CDH13: variants seen among roughly 807,000 people sequenced by gnomAD.
The protein encoded by CDH13 is cadherin 13, also known as cadherin-13.
Under a neutral mutation model 63.8 loss-of-function variants are expected in CDH13, and 24 were observed. That is an observed-to-expected ratio of 0.38 (90% CI 0.27 to 0.53). CDH13 has a LOEUF of 0.53. Among genes scored for constraint, CDH13 ranks in the 20% least tolerant of loss-of-function variants. The pLI, the probability that CDH13 is intolerant of heterozygous loss-of-function variation, is 0.85. For missense variants in CDH13, 1,049 were observed against 903.1 expected (o/e 1.16, Z -2.07); for synonymous variants, 503 against 355.3 (o/e 1.42, Z -4.67).
chr16:82,759,331 G>T (rs1389494233), intron 1 of CDH13, among the ~76,000 whole-genome samples: 3 of 152,098 alleles, frequency 2.0e-5, no homozygotes, highest in African/African-American at 7.2e-5. Context: ...CTCAGGCTTT[G>T]CTTTTGGGAT....
intron 1 of CDH13, among the ~76,000 whole-genome samples, chr16:82,811,278 T>C (rs1168515836): frequency 1.3e-5 from 2 of 152,116 alleles, no homozygotes; most frequent in East Asian, 1.9e-4. Context: ...ATGGAAAACA[T>C]TACAGATCAG....
chr16:83,701,130 C>G (rs925443451), intron 10 of CDH13, among the ~76,000 whole-genome samples: 4 of 152,022 alleles, frequency 2.6e-5, no homozygotes, highest in Admixed American at 2.6e-4. Context: ...AGGTTACATT[C>G]CTTGCCGAAG....
At chr16:83,558,304 G>A (rs1360651935) in intron 7 of CDH13, among the ~76,000 whole-genome samples, 1 of 152,164 alleles carries the variant, frequency 6.6e-6, no homozygotes, top group Non-Finnish European at 1.5e-5. Flanking sequence ...GAGGGATGAT[G>A]TTTTTAAAGA....
At chr16:83,504,179 G>A (rs1325432433) in intron 7 of CDH13, among the ~76,000 whole-genome samples, 1 of 152,122 alleles carries the variant, frequency 6.6e-6, no homozygotes, top group Non-Finnish European at 1.5e-5. Context: ...CCATGCCAAG[G>A]GTAAGGCTTG....
intron 1 of CDH13, chr16:82,689,148 C>G (rs1166501394): frequency 1.3e-5 from 2 of 149,194 alleles, no homozygotes; most frequent in South Asian, 2.1e-4. Context: ...ATTCTTCTAA[C>G]TTGCCTGCAT....
intron 4 of CDH13, among the ~76,000 whole-genome samples, chr16:83,144,488 G>T (rs1597410991): frequency 6.6e-6 from 1 of 152,166 alleles, no homozygotes; most frequent in East Asian, 1.9e-4. Flanking sequence ...AGCAATACAT[G>T]ATCAGATATA....
intron 5 of CDH13, among the ~76,000 whole-genome samples, chr16:83,344,439 A>G (rs557392942): frequency 9.9e-5 from 15 of 152,244 alleles, no homozygotes; most frequent in Non-Finnish European, 1.6e-4. Flanking sequence ...AAAGATTGCC[A>G]TAAACACTTT....
At chr16:83,077,867 G>A (rs1278008600) in intron 3 of CDH13, among the ~76,000 whole-genome samples, 2 of 152,152 alleles carry the variant, frequency 1.3e-5, no homozygotes, top group Admixed American at 6.5e-5. Context: ...AACATTTGCT[G>A]TTACTGATCT....
chr16:83,304,939 T>G (rs542277822), intron 5 of CDH13, among the ~76,000 whole-genome samples: 10 of 152,312 alleles, frequency 6.6e-5, no homozygotes, highest in African/African-American at 2.4e-4. Context: ...AGCAGAACTT[T>G]CCCACTTTTC....
intron 1 of CDH13, among the ~76,000 whole-genome samples, chr16:82,746,163 C>T (rs535198436): frequency 1.5e-5 from 2 of 135,272 alleles, no homozygotes; most frequent in South Asian, 2.3e-4. Flanking sequence ...ATACTATATA[C>T]ATACTATATA....
chr16:83,026,961 G>T (rs372608421), intron 2 of CDH13, among the ~76,000 whole-genome samples: 1 of 152,116 alleles, frequency 6.6e-6, no homozygotes, highest in East Asian at 1.9e-4. Flanking sequence ...GGGTCCAGGG[G>T]CCAAGGGGAG....
intron 1 of CDH13, among the ~76,000 whole-genome samples, chr16:82,853,058 G>T (rs1350177126): frequency 6.6e-6 from 1 of 152,200 alleles, no homozygotes; most frequent in African/African-American, 2.4e-5. Flanking sequence ...GGTATAAAGA[G>T]TGTGATTTAA....
chr16:83,223,425 C>A (rs551470455), intron 5 of CDH13, among the ~76,000 whole-genome samples: 1 of 152,240 alleles, frequency 6.6e-6, no homozygotes, highest in Non-Finnish European at 1.5e-5. Flanking sequence ...AGGGCCCCAC[C>A]TCCCAGCACC....
chr16:83,382,493 T>C (rs1428396809), intron 6 of CDH13, among the ~76,000 whole-genome samples: 4 of 152,120 alleles, frequency 2.6e-5, no homozygotes, highest in African/African-American at 7.2e-5. Flanking sequence ...CCTATGTATG[T>C]ATCTATGTGA....
chr16:82,665,921 G>C (rs1415147712), intron 1 of CDH13, among the ~76,000 whole-genome samples: 1 of 152,082 alleles, frequency 6.6e-6, no homozygotes, highest in Non-Finnish European at 1.5e-5. Context: ...TCTGGACCAG[G>C]AAAAGATCAA....
intron 4 of CDH13, among the ~76,000 whole-genome samples, chr16:83,206,510 C>T (rs1434558263): frequency 1.3e-5 from 2 of 152,222 alleles, no homozygotes; most frequent in Admixed American, 6.5e-5. Flanking sequence ...GGCATTCTCA[C>T]ATGCACCCGA....
intron 5 of CDH13, among the ~76,000 whole-genome samples, chr16:83,277,423 T>G (rs1251153622): frequency 6.6e-6 from 1 of 152,142 alleles, no homozygotes; most frequent in Non-Finnish European, 1.5e-5. Context: ...GCCCAGGGAA[T>G]CTGCATTTTA....
chr16:83,155,673 A>C (rs1269768400), intron 4 of CDH13, among the ~76,000 whole-genome samples: 2 of 152,144 alleles, frequency 1.3e-5, no homozygotes, highest in Non-Finnish European at 2.9e-5. Flanking sequence ...ACCCTGTCCT[A>C]GGCTAGATAT....
intron 8 of CDH13, among the ~76,000 whole-genome samples, chr16:83,660,082 C>G (rs1913299938): frequency 2.0e-5 from 3 of 152,140 alleles, no homozygotes; most frequent in African/African-American, 7.2e-5. Flanking sequence ...CCACCACGCC[C>G]AGCCAATCCA....
Sources: allele counts gnomAD v4.1 joint callset (sites outside exome capture counted in the v4.1 genomes callset), GRCh38; gene constraint gnomAD v4.1.1; transcripts MANE v1.5; gene names NCBI Gene and HGNC (gene_info 2026-07-23, HGNC 2026-07-21).